Variants in OR1J2 observed in about 807,000 individuals in gnomAD.
The protein encoded by OR1J2 is olfactory receptor family 1 subfamily J member 2, also known as olfactory receptor 1J2.
For missense variants in OR1J2, 304 were observed against 246.1 expected, an observed-to-expected ratio of 1.24 and a Z score of -1.57; for synonymous variants, 142 against 99.7, an observed-to-expected ratio of 1.42 and a Z score of -2.52.
chr9:122,547,078 T>C, the OR1J2 span, among the ~76,000 whole-genome samples: 3 of 151,590 alleles, frequency 2.0e-5, no homozygotes, highest in East Asian at 5.8e-4. Context: ...AAAATAATTT[T>C]TTTAAAAAGA....
the OR1J2 span, among the ~76,000 whole-genome samples, chr9:122,569,138 T>C: frequency 2.6e-5 from 4 of 152,216 alleles, no homozygotes; most frequent in Non-Finnish European, 5.9e-5. Flanking sequence ...GTGATTTTTT[T>C]TTCTGCTCTG....
At chr9:122,513,704 C>T (rs922604979), downstream of OR1J2, among the ~76,000 whole-genome samples, 1 of 152,010 alleles carries the variant, frequency 6.6e-6, no homozygotes, top group Admixed American at 6.6e-5. Context: ...CTCCCCACCC[C>T]CCGACAGGCC....
At chr9:122,571,180 A>G in the OR1J2 span, among the ~76,000 whole-genome samples, 1 of 152,136 alleles carries the variant, frequency 6.6e-6, no homozygotes, top group Admixed American at 6.5e-5. Context: ...GTGATTACCA[A>G]TCTTTCTGTG....
chr9:122,513,745 A>G (rs1233725478), downstream of OR1J2, among the ~76,000 whole-genome samples: 3 of 150,776 alleles, frequency 2.0e-5, no homozygotes, highest in African/African-American at 7.3e-5. Context: ...CCCTGGGTCC[A>G]TGTGCTCTCA....
the OR1J2 span, chr9:122,526,710 A>G: frequency 6.2e-7 from 1 of 1,614,168 alleles, no homozygotes; most frequent in South Asian, 1.1e-5. Flanking sequence ...AAAAACCATC[A>G]TCTCGTTGAT....
At chr9:122,473,641 G>A in the OR1J2 span, among the ~76,000 whole-genome samples, 1 of 152,102 alleles carries the variant, frequency 6.6e-6, no homozygotes, top group Non-Finnish European at 1.5e-5. Context: ...GTGTTGGGAT[G>A]TTTTGTTTCT....
the OR1J2 span, among the ~76,000 whole-genome samples, chr9:122,523,048 C>G: frequency 1.3e-5 from 2 of 152,114 alleles, no homozygotes; most frequent in African/African-American, 4.8e-5. Context: ...CGATGAAATA[C>G]TTACATGGTA....
At chr9:122,546,017 A>G in the OR1J2 span, among the ~76,000 whole-genome samples, 3 of 151,976 alleles carry the variant, frequency 2.0e-5, no homozygotes, top group Non-Finnish European at 2.9e-5. Context: ...CCATTATGTT[A>G]GGCACGTGTG....
At chr9:122,517,312 C>A in the OR1J2 span, among the ~76,000 whole-genome samples, 1 of 152,290 alleles carries the variant, frequency 6.6e-6, no homozygotes, top group African/African-American at 2.4e-5. Context: ...CTGGAGTGAG[C>A]AGGTGCAGCC....
At chr9:122,520,143 C>G in the OR1J2 span, 16 of 1,243,762 alleles carry the variant, frequency 1.3e-5, no homozygotes, top group Non-Finnish European at 1.6e-5. Flanking sequence ...TAGATCCTTA[C>G]TTCTGATCCC....
chr9:122,470,220 C>T, the OR1J2 span, among the ~76,000 whole-genome samples: 2 of 152,142 alleles, frequency 1.3e-5, no homozygotes, highest in Non-Finnish European at 2.9e-5. Context: ...TGGGCAGGGC[C>T]CAGGGTCCCC....
At chr9:122,466,856 T>C in the OR1J2 span, among the ~76,000 whole-genome samples, 1 of 151,982 alleles carries the variant, frequency 6.6e-6, no homozygotes, top group African/African-American at 2.4e-5. Flanking sequence ...TTCTCTCTTA[T>C]CTCCCAGGCT....
chr9:122,522,963 A>C, the OR1J2 span, among the ~76,000 whole-genome samples: 1 of 152,362 alleles, frequency 6.6e-6, no homozygotes, highest in African/African-American at 2.4e-5. Context: ...TATGTCATTT[A>C]ATCCTCATAA....
chr9:122,527,719 A>G, the OR1J2 span, among the ~76,000 whole-genome samples: 3 of 152,224 alleles, frequency 2.0e-5, no homozygotes, highest in Non-Finnish European at 4.4e-5. Flanking sequence ...AGTGAAGGGC[A>G]TATGAAGGAC....
chr9:122,461,410 A>G, the OR1J2 span, among the ~76,000 whole-genome samples: 1 of 150,102 alleles, frequency 6.7e-6, no homozygotes, highest in Non-Finnish European at 1.5e-5. Flanking sequence ...TTTTGTTTCA[A>G]TTTCATTTAG....
At chr9:122,544,424 T>C in the OR1J2 span, among the ~76,000 whole-genome samples, 4 of 144,218 alleles carry the variant, frequency 2.8e-5, no homozygotes, top group African/African-American at 7.7e-5. Flanking sequence ...TCTTTTTTTT[T>C]TTTTTTTTTT....
the OR1J2 span, among the ~76,000 whole-genome samples, chr9:122,489,280 A>AAT: frequency 0.15 from 23,103 of 149,566 alleles, 1,910 homozygotes; most frequent in South Asian, 0.19. Context: ...TCCATATATA[A>AAT]ATATATATAT....
chr9:122,548,879 G>T, the OR1J2 span, among the ~76,000 whole-genome samples: 2 of 151,694 alleles, frequency 1.3e-5, no homozygotes, highest in Non-Finnish European at 2.9e-5. Context: ...TCTTCTGTCA[G>T]ATGCATAGTT....
chr9:122,540,254 AC>A, the OR1J2 span, among the ~76,000 whole-genome samples: 1 of 152,066 alleles, frequency 6.6e-6, no homozygotes, highest in Admixed American at 6.6e-5. Context: ...TTTAGGTCTA[AC>A]ATTTAAGTCT....
Sources: gnomAD v4.1 joint callset for allele counts (sites outside exome capture counted in the v4.1 genomes callset) on GRCh38, gnomAD v4.1.1 for gene constraint, MANE v1.5 for transcripts, NCBI Gene and HGNC (gene_info 2026-07-23, HGNC 2026-07-21) for gene names.